Variants in CCSER1 observed in about 807,000 individuals in gnomAD.
CCSER1 encodes the protein serine-rich coiled-coil domain-containing protein 1.
CCSER1 carries 41 observed loss-of-function variants against 82.0 expected under a neutral mutation model. That is an observed-to-expected ratio of 0.50 (90% CI 0.39 to 0.65). The LOEUF (loss-of-function observed/expected upper bound fraction) is 0.65. Among genes scored for constraint, CCSER1 ranks in the 30% least tolerant of loss-of-function variants. CCSER1 has a pLI of 0.00. For synonymous variants in CCSER1, 414 were observed against 383.9 expected, an observed-to-expected ratio of 1.08 and a Z score of -0.92; for missense variants, 1,119 against 1,064.2, an observed-to-expected ratio of 1.05 and a Z score of -0.72.
At chr4:91,463,207 C>T (rs1021358222) in intron 10 of CCSER1, among the ~76,000 whole-genome samples, 5 of 152,168 alleles carry the variant, frequency 3.3e-5, no homozygotes, top group South Asian at 4.1e-4. Flanking sequence ...CAGCAATAAT[C>T]GCTGTTCTGC....
intron 1 of CCSER1, among the ~76,000 whole-genome samples, chr4:90,157,592 T>G (rs1033329860): frequency 6.6e-6 from 1 of 152,212 alleles, no homozygotes; most frequent in African/African-American, 2.4e-5. Flanking sequence ...CTTTTTTCTC[T>G]AAATTTCCCT....
intron 10 of CCSER1, among the ~76,000 whole-genome samples, chr4:91,381,648 AT>A (rs1438596044): frequency 6.6e-6 from 1 of 152,066 alleles, no homozygotes; most frequent in Non-Finnish European, 1.5e-5. Context: ...CATTCGTCTA[AT>A]CTTTTTTCAA....
intron 3 of CCSER1, among the ~76,000 whole-genome samples, chr4:90,319,736 A>T (rs539276809): frequency 1.3e-5 from 2 of 152,312 alleles, no homozygotes; most frequent in African/African-American, 4.8e-5. Flanking sequence ...CAGTATGTAA[A>T]AATGTTAATG....
chr4:90,151,514 G>A (rs1726837531), intron 1 of CCSER1, among the ~76,000 whole-genome samples: 1 of 151,894 alleles, frequency 6.6e-6, no homozygotes, highest in African/African-American at 2.4e-5. Flanking sequence ...CTACAAAAGA[G>A]ATTAACAGGC....
intron 8 of CCSER1, among the ~76,000 whole-genome samples, chr4:90,902,717 C>G (rs1400171248): frequency 1.3e-5 from 2 of 152,002 alleles, no homozygotes; most frequent in Non-Finnish European, 2.9e-5. Context: ...GCCCTTCTGG[C>G]AGCAGGTTTT....
chr4:90,806,496 A>C (rs1757531316), intron 7 of CCSER1, among the ~76,000 whole-genome samples: 1 of 152,236 alleles, frequency 6.6e-6, no homozygotes, highest in African/African-American at 2.4e-5. Flanking sequence ...TAATTGTTCA[A>C]CAAAAACAAC....
chr4:90,702,128 A>T (rs1738278473), intron 6 of CCSER1, among the ~76,000 whole-genome samples: 1 of 152,038 alleles, frequency 6.6e-6, no homozygotes, highest in Admixed American at 6.6e-5. Context: ...AATAGCTCTT[A>T]TTATTTTGAG....
intron 5 of CCSER1, among the ~76,000 whole-genome samples, chr4:90,596,910 A>G (rs1469624324): frequency 6.6e-6 from 1 of 151,922 alleles, no homozygotes; most frequent in Non-Finnish European, 1.5e-5. Flanking sequence ...TGGAGCTTGG[A>G]TATTATCAAG....
chr4:91,146,724 G>A (rs1253758306), intron 10 of CCSER1, among the ~76,000 whole-genome samples: 1 of 152,028 alleles, frequency 6.6e-6, no homozygotes, highest in Non-Finnish European at 1.5e-5. Flanking sequence ...GGCTCTGTAT[G>A]GGTTTTTTAC....
chr4:91,219,271 G>C (rs1737542914), intron 10 of CCSER1, among the ~76,000 whole-genome samples: 1 of 149,288 alleles, frequency 6.7e-6, no homozygotes, highest in African/African-American at 2.5e-5. Flanking sequence ...ATTTTCTTTG[G>C]GCAAATAAAA....
At chr4:90,343,848 G>C (rs536370930) in intron 3 of CCSER1, among the ~76,000 whole-genome samples, 15 of 152,076 alleles carry the variant, frequency 9.9e-5, no homozygotes, top group Admixed American at 5.2e-4. Context: ...TGGAAAATGG[G>C]GTAGCCATGC....
chr4:90,933,026 AAGAAAGAAAGAAAGAAAG>A (rs1561385795), intron 9 of CCSER1, among the ~76,000 whole-genome samples: 2 of 96,308 alleles, frequency 2.1e-5, no homozygotes, highest in East Asian at 5.5e-4. Flanking sequence ...GAAAGAAAGA[AAGAAAGAAAGAAAGAAAG>A]AGAAGGAAGG....
At chr4:90,483,256 C>A (rs1372846236) in intron 5 of CCSER1, among the ~76,000 whole-genome samples, 1 of 152,172 alleles carries the variant, frequency 6.6e-6, no homozygotes, top group Non-Finnish European at 1.5e-5. Context: ...TATTTTGAGC[C>A]TATGTGTGTC....
chr4:91,539,385 C>G (rs76926425), intron 10 of CCSER1, among the ~76,000 whole-genome samples: 10,594 of 152,072 alleles, frequency 0.07, 554 homozygotes, highest in South Asian at 0.16. Context: ...TGTTACCTCA[C>G]TTACCAAATT....
chr4:90,511,162 G>C (rs561530003), intron 5 of CCSER1, among the ~76,000 whole-genome samples: 3 of 152,178 alleles, frequency 2.0e-5, no homozygotes, highest in Admixed American at 1.3e-4. Context: ...GCTCATGCCT[G>C]TAATCTCACC....
intron 10 of CCSER1, among the ~76,000 whole-genome samples, chr4:91,567,599 T>A (rs752788169): frequency 6.6e-6 from 1 of 152,300 alleles, no homozygotes; most frequent in East Asian, 1.9e-4. Flanking sequence ...TAGTTAGGTC[T>A]TTTGTTGAAT....
intron 5 of CCSER1, among the ~76,000 whole-genome samples, chr4:90,503,422 T>G (rs1423269995): frequency 6.6e-6 from 1 of 152,224 alleles, no homozygotes; most frequent in African/African-American, 2.4e-5. Context: ...TTTTCTTTTT[T>G]TAATTATACT....
intron 6 of CCSER1, among the ~76,000 whole-genome samples, chr4:90,654,630 TTCA>T (rs1729377422): frequency 6.6e-6 from 1 of 152,140 alleles, no homozygotes. Flanking sequence ...AGTTTTCCCA[TTCA>T]TTTATTCATT....
intron 10 of CCSER1, among the ~76,000 whole-genome samples, chr4:91,522,797 T>C (rs1760556028): frequency 6.6e-6 from 1 of 152,204 alleles, no homozygotes; most frequent in Admixed American, 6.5e-5. Context: ...GTTTTCTAAA[T>C]ATACAATCAT....
Sources: gnomAD v4.1 joint callset for allele counts (sites outside exome capture counted in the v4.1 genomes callset) on GRCh38, gnomAD v4.1.1 for gene constraint, MANE v1.5 for transcripts, NCBI Gene and HGNC (gene_info 2026-07-23, HGNC 2026-07-21) for gene names.